SPAG16: variants seen among roughly 807,000 people sequenced by gnomAD.
SPAG16 encodes the protein sperm associated antigen 16.
SPAG16 carries 86 observed loss-of-function variants against 80.4 expected under a neutral mutation model. The ratio of observed to expected loss-of-function variants is 1.07; its 90% confidence interval spans 0.90 to 1.28. The LOEUF is 1.28. Ranked by LOEUF, SPAG16 falls within the 50% of genes most tolerant of loss-of-function variation. The pLI is 0.00. For synonymous variants in SPAG16, 294 were observed against 265.9 expected, an observed-to-expected ratio of 1.11 and a Z score of -1.03; for missense variants, 870 against 765.3, an observed-to-expected ratio of 1.14 and a Z score of -1.61.
At chr2:213,466,588 A>G (rs1327354050) in intron 9 of SPAG16, among the ~76,000 whole-genome samples, 2 of 151,872 alleles carry the variant, frequency 1.3e-5, no homozygotes, top group African/African-American at 4.8e-5. Flanking sequence ...TCCTTTATTC[A>G]CCTGTTGCCC....
chr2:214,090,336 A>G (rs535897745), intron 13 of SPAG16, among the ~76,000 whole-genome samples: 2 of 152,064 alleles, frequency 1.3e-5, no homozygotes, highest in South Asian at 4.1e-4. Flanking sequence ...GAACAGCAAT[A>G]TTCAATTTCT....
chr2:213,347,167 T>G (rs2065042883), intron 6 of SPAG16, among the ~76,000 whole-genome samples: 1 of 152,222 alleles, frequency 6.6e-6, no homozygotes, highest in Non-Finnish European at 1.5e-5. Flanking sequence ...TCTAGTTTAT[T>G]TGCATAGAGG....
At chr2:213,643,082 T>G (rs2062663887) in intron 10 of SPAG16, among the ~76,000 whole-genome samples, 2 of 139,326 alleles carry the variant, frequency 1.4e-5, no homozygotes, top group East Asian at 4.2e-4. Flanking sequence ...TATATATATA[T>G]CCATTAGTTT....
chr2:213,738,445 A>G (rs1408083902), intron 10 of SPAG16, among the ~76,000 whole-genome samples: 1 of 152,230 alleles, frequency 6.6e-6, no homozygotes, highest in Non-Finnish European at 1.5e-5. Flanking sequence ...CTTAAAATAT[A>G]ATGCCTTTAA....
rs1257158660 is a variant in SPAG16, at chr2:214,111,485, T to C, written c.1593+3224T>C. ...TGAGGGCTCTGTTCTGTTCCATTGG[T>C]CTATATCTCTGTTTTGATACTAGTA... is the stretch of plus-strand genomic sequence containing the variant. On this transcript the variant is annotated intron_variant, in intron 14 of 15. Transcript: ENST00000331683. Among the ~76,000 whole-genome samples, 5 of 152,166 alleles carry C rather than the reference T, an allele frequency of 3.3e-5. No homozygotes were observed. In the East Asian group the frequency reaches 7.7e-4, roughly 23 times the overall value.
At chr2:213,338,075 TA>T (rs2064472269) in intron 5 of SPAG16, among the ~76,000 whole-genome samples, 1 of 152,080 alleles carries the variant, frequency 6.6e-6, no homozygotes, top group Non-Finnish European at 1.5e-5. Context: ...TCGACACTCT[TA>T]AAAGAATTTC....
At position 213,567,218 on chromosome 2, in the gene SPAG16, CTTGT is replaced by C. The variant is rs1336595628; in HGVS notation, c.1070+77132_1070+77135del. Among the ~76,000 whole-genome samples, 52 of 123,580 alleles carry C rather than the reference CTTGT, an allele frequency of 4.2e-4. 1 individual carries two copies. The highest frequency in any genetic ancestry group is 6.2e-4 in the Non-Finnish European group (37 of 59,534). The allele number at this position is 123,580 out of a possible 152,430, so 81.1% of individuals were successfully genotyped here. A position where few individuals can be genotyped will look rare whatever the true frequency, so the allele number is the denominator to read the frequency against. On this transcript the variant is annotated intron_variant, in intron 10 of 15. Coordinates refer to ENST00000331683, the MANE Select transcript of SPAG16 (RefSeq NM_024532.5). ...CCCTGAAATTTTATTATTAAAATTA[CTTGT>C]TTGACATTGTTTTTTTTTTTTTATT...
intron 10 of SPAG16, among the ~76,000 whole-genome samples, chr2:213,770,163 G>C (rs2069163480): frequency 6.6e-6 from 1 of 152,076 alleles, no homozygotes; most frequent in African/African-American, 2.4e-5. Flanking sequence ...TAGGCACCTG[G>C]TTGTTTATTT....
intron 10 of SPAG16, among the ~76,000 whole-genome samples, chr2:213,816,023 C>T (rs1256761297): frequency 6.6e-6 from 1 of 152,024 alleles, no homozygotes; most frequent in Non-Finnish European, 1.5e-5. Context: ...AATATTCAAG[C>T]TAGATAGATT....
chr2:213,955,142 C>G (rs1034819250), intron 12 of SPAG16, among the ~76,000 whole-genome samples: 11 of 151,936 alleles, frequency 7.2e-5, no homozygotes, highest in African/African-American at 1.7e-4. Context: ...AGCACAAATG[C>G]CTTTAATTTT....
At chr2:214,350,892 A>G (rs1163848366) in intron 15 of SPAG16, among the ~76,000 whole-genome samples, 1 of 152,204 alleles carries the variant, frequency 6.6e-6, no homozygotes, top group Non-Finnish European at 1.5e-5. Context: ...GAAAAGAAAG[A>G]TATCTTCCTC....
intron 14 of SPAG16, among the ~76,000 whole-genome samples, chr2:214,120,484 T>C (rs2054164026): frequency 6.6e-6 from 1 of 151,894 alleles, no homozygotes; most frequent in South Asian, 2.1e-4. Context: ...GCAGGAATAT[T>C]TCTTCATTAT....
rs1379659936 is a variant in SPAG16 at position 213,687,662 on chromosome 2, TTTTGTCTGACCCC to T, written c.1071-174819_1071-174807del. Among the ~76,000 whole-genome samples the T allele has an allele frequency of 2.0e-5, 3 of 152,222 alleles. No individual in the cohort carries two copies. The East Asian group carries it at 5.8e-4, about 29-fold the overall frequency. Reference sequence around the variant, plus strand: ...TTGTCTTTTGTAAAGGCATATGTTTTTTTGTCTGACCCCTTTCGAGATTTTATCACTGATTCTG... The same window carrying T: ...TTGTCTTTTGTAAAGGCATATGTTTTTTTCGAGATTTTATCACTGATTCTG... On this transcript the variant is annotated intron_variant, in intron 10 of 15. Coordinates refer to ENST00000331683, the MANE Select transcript of SPAG16 (RefSeq NM_024532.5).
intron 15 of SPAG16, among the ~76,000 whole-genome samples, chr2:214,391,553 A>C (rs1044349525): frequency 6.6e-6 from 1 of 152,196 alleles, no homozygotes. Context: ...ATAGTAAAGA[A>C]GGAAATGGGT....
chr2:214,167,991 TC>T (rs953716089), intron 15 of SPAG16, among the ~76,000 whole-genome samples: 1 of 141,642 alleles, frequency 7.1e-6, no homozygotes, highest in African/African-American at 2.6e-5. Context: ...TTTTTCTTTT[TC>T]TCTTTTTTTT....
chr2:214,402,596 G>A (rs541049937), intron 15 of SPAG16, among the ~76,000 whole-genome samples: 2 of 152,014 alleles, frequency 1.3e-5, no homozygotes, highest in East Asian at 3.9e-4. Context: ...ATAAGCATTG[G>A]AAAGAAAATA....
chr2:213,776,826 A>C (rs866982882), intron 10 of SPAG16, among the ~76,000 whole-genome samples: 257 of 107,538 alleles, frequency 2.4e-3, no homozygotes, highest in Middle Eastern at 8.9e-3. Flanking sequence ...GTTCTATGCC[A>C]CCCCCCCCCC....
At chr2:214,326,944 C>CAAAAAAAAAAAAAAAAA (rs5838428) in intron 15 of SPAG16, among the ~76,000 whole-genome samples, 1 of 64,464 alleles carries the variant, frequency 1.6e-5, no homozygotes, top group African/African-American at 6.8e-5. Context: ...GACTAAGTCT[C>CAAAAAAAAAAAAAAAAA]AAAAAAAAAA....
intron 15 of SPAG16, among the ~76,000 whole-genome samples, chr2:214,394,165 GTC>G (rs1276265260): frequency 6.6e-6 from 1 of 151,978 alleles, no homozygotes; most frequent in Non-Finnish European, 1.5e-5. Flanking sequence ...GTCTCTTTCT[GTC>G]TCTATTTCTC....
Sources: allele counts gnomAD v4.1 joint callset (sites outside exome capture counted in the v4.1 genomes callset), GRCh38; gene constraint gnomAD v4.1.1; transcripts MANE v1.5; gene names NCBI Gene and HGNC (gene_info 2026-07-23, HGNC 2026-07-21).